Variants in NRXN3 observed in about 807,000 individuals in gnomAD.
NRXN3 encodes neurexin 3.
A neutral mutation model predicts 137.6 loss-of-function variants in NRXN3; 32 were observed. The observed-to-expected ratio is 0.23, with a 90% CI of 0.18 to 0.31. The LOEUF (loss-of-function observed/expected upper bound fraction) is 0.31, where lower values mean the gene tolerates loss of function less well. NRXN3 is among the 10% of genes least tolerant of loss of function. NRXN3 has a pLI of 1.00. For missense variants in NRXN3, 1,574 were observed against 2,062.5 expected, an observed-to-expected ratio of 0.76 and a Z score of 4.59; for synonymous variants, 798 against 784.5, an observed-to-expected ratio of 1.02 and a Z score of -0.29.
intron 10 of NRXN3, among the ~76,000 whole-genome samples, chr14:78,891,257 C>T (rs1007488399): frequency 6.6e-6 from 1 of 151,836 alleles, no homozygotes; most frequent in Admixed American, 6.6e-5. Context: ...TTATAACAAT[C>T]AGGAAGCTGT....
Position 79,633,183 on chromosome 14 carries a change from G to A in NRXN3, c.3445-30595G>A, listed in dbSNP as rs563052616. 1.5e-4 allele frequency: 23 copies of A among 152,264 alleles called. 2 individuals are homozygous for A. The East Asian group carries it at 3.9e-3, about 26-fold the overall frequency. 9.4% of individuals were successfully genotyped at this position (152,264 alleles called of 1,614,324 possible). ...CCCCAGTTCTGAAACCTAGGTCTAG[G>A]TCGCAGGAGAACTAGCTTGATAAGG... On this transcript the variant is annotated intron_variant, in intron 16 of 20. Transcript: ENST00000335750.
chr14:78,812,164 T>G (rs999443131), intron 10 of NRXN3, among the ~76,000 whole-genome samples: 4 of 152,186 alleles, frequency 2.6e-5, no homozygotes, highest in African/African-American at 9.6e-5. Flanking sequence ...AGATTTCTTT[T>G]CTGGTCATTT....
intron 2 of NRXN3, among the ~76,000 whole-genome samples, chr14:78,257,004 A>T (rs963817887): frequency 8.5e-5 from 13 of 152,082 alleles, no homozygotes; most frequent in African/African-American, 3.1e-4. Context: ...TGGGCTCCTT[A>T]CTTCTGCCTT....
chr14:78,322,062 A>G (rs146222854), intron 4 of NRXN3, among the ~76,000 whole-genome samples: 2 of 151,768 alleles, frequency 1.3e-5, no homozygotes, highest in East Asian at 3.9e-4. Context: ...CTACCGCACT[A>G]CCCTCAATCT....
At chr14:78,171,156 T>C (rs994953188) in intron 1 of NRXN3, among the ~76,000 whole-genome samples, 3 of 151,716 alleles carry the variant, frequency 2.0e-5, no homozygotes, top group African/African-American at 7.3e-5. Context: ...GAAAACAAAA[T>C]TGAATTGAGA....
intron 4 of NRXN3, among the ~76,000 whole-genome samples, chr14:78,493,012 G>A (rs2095697229): frequency 6.6e-6 from 1 of 152,022 alleles, no homozygotes; most frequent in Non-Finnish European, 1.5e-5. Flanking sequence ...ACCAGTTCTG[G>A]TTCTGCATAG....
intron 4 of NRXN3, among the ~76,000 whole-genome samples, chr14:78,495,085 T>A (rs1439264601): frequency 7.9e-6 from 1 of 126,906 alleles, no homozygotes; most frequent in Non-Finnish European, 1.8e-5. Context: ...TATTCTTGAC[T>A]TTTTTTTTTT....
chr14:79,322,326 TA>T (rs1398861889), intron 15 of NRXN3, among the ~76,000 whole-genome samples: 2 of 152,180 alleles, frequency 1.3e-5, no homozygotes, highest in African/African-American at 4.8e-5. Context: ...TCTAGTGATT[TA>T]CAGAGTTTAC....
At chr14:78,521,750 C>T (rs1453163294) in intron 4 of NRXN3, among the ~76,000 whole-genome samples, 1 of 151,878 alleles carries the variant, frequency 6.6e-6, no homozygotes, top group Non-Finnish European at 1.5e-5. Context: ...GATAAGAGGG[C>T]TTCTCTGTGA....
At chr14:78,386,407 A>G (rs969794328) in intron 4 of NRXN3, among the ~76,000 whole-genome samples, 1 of 152,186 alleles carries the variant, frequency 6.6e-6, no homozygotes, top group Non-Finnish European at 1.5e-5. Flanking sequence ...CCTGTGATGA[A>G]GGTTCTTTGT....
intron 4 of NRXN3, among the ~76,000 whole-genome samples, chr14:78,444,081 A>ATGTG (rs2094340449): frequency 6.6e-6 from 1 of 152,220 alleles, no homozygotes; most frequent in Admixed American, 6.5e-5. Flanking sequence ...TTTCACATCA[A>ATGTG]ATCAGAGTTA....
intron 15 of NRXN3, among the ~76,000 whole-genome samples, chr14:79,145,375 A>C (rs1477131780): frequency 6.6e-6 from 1 of 152,118 alleles, no homozygotes; most frequent in East Asian, 1.9e-4. Flanking sequence ...CCAGAGACCG[A>C]AAGTCATATC....
rs537708652 is a variant in NRXN3 at position 78,198,630 on chromosome 14, G to T, written c.-704+27956G>T. ...TGCTAATGACTTATTGTCCTAGCCT[G>T]TCCCATTCCTTATATATGCACAACA... On this transcript the variant is annotated intron_variant, in intron 1 of 20. Transcript: ENST00000335750. 6.6e-5 allele frequency among the ~76,000 whole-genome samples: 10 copies of T among 152,346 alleles called. No homozygotes were observed. The South Asian group carries it at 1.9e-3, about 28-fold the overall frequency.
chr14:78,321,132 G>C (rs1408938693), intron 4 of NRXN3, among the ~76,000 whole-genome samples: 8 of 151,640 alleles, frequency 5.3e-5, no homozygotes, highest in African/African-American at 1.5e-4. Context: ...AAAGAAAAAA[G>C]AAAAAGAAAA....
At chr14:79,725,984 A>G (rs1284102705) in intron 19 of NRXN3, among the ~76,000 whole-genome samples, 2 of 152,160 alleles carry the variant, frequency 1.3e-5, no homozygotes, top group East Asian at 3.9e-4. Flanking sequence ...TGATTCCCAC[A>G]GTGACAAATT....
At chr14:78,561,086 G>A (rs1034396205) in intron 4 of NRXN3, among the ~76,000 whole-genome samples, 5 of 152,216 alleles carry the variant, frequency 3.3e-5, no homozygotes, top group African/African-American at 1.2e-4. Flanking sequence ...CTGGGTAACA[G>A]TGGGGCTATG....
In NRXN3 at chr14:78,832,947, A is replaced by C. The variant is rs57700581; in HGVS notation, c.2275+22603A>C. Among the ~76,000 whole-genome samples, 19 of 152,342 alleles carry C rather than the reference A, an allele frequency of 1.2e-4. No individual in the cohort carries two copies. The East Asian group carries it at 3.5e-3, about 28-fold the overall frequency. On this transcript the variant is annotated intron_variant, in intron 10 of 20. Coordinates refer to ENST00000335750, the MANE Select transcript of NRXN3 (RefSeq NM_001330195.2). ...AGAGTCATCTGCAGGTCTGGTATAC[A>C]TGGAATTTACAATCTAAGTTTCACG... is the stretch of plus-strand genomic sequence containing the variant.
chr14:79,072,135 TGG>T (rs150866841), intron 15 of NRXN3: 2 of 152,086 alleles, frequency 1.3e-5, no homozygotes, highest in Non-Finnish European at 2.9e-5. Flanking sequence ...CTTGAATGAG[TGG>T]GGGTTTCTGA....
chr14:78,596,674 A>G (rs1293694401), intron 4 of NRXN3, among the ~76,000 whole-genome samples: 1 of 152,234 alleles, frequency 6.6e-6, no homozygotes, highest in Non-Finnish European at 1.5e-5. Context: ...TCAAGAGGTC[A>G]TGCGGTAGAA....
Sources: gnomAD v4.1 joint callset for allele counts (sites outside exome capture counted in the v4.1 genomes callset) on GRCh38, gnomAD v4.1.1 for gene constraint, MANE v1.5 for transcripts, NCBI Gene and HGNC (gene_info 2026-07-23, HGNC 2026-07-21) for gene names.